MAN1A2: variants seen among roughly 807,000 people sequenced by gnomAD.
MAN1A2 encodes mannosidase alpha class 1A member 2.
MAN1A2 carries 26 observed loss-of-function variants against 75.7 expected under a neutral mutation model. The observed-to-expected ratio is 0.34, with a 90% CI of 0.25 to 0.48. The LOEUF is 0.48. MAN1A2 is among the 20% of genes least tolerant of loss of function. The pLI, the probability that MAN1A2 is intolerant of heterozygous loss-of-function variation, is 0.99. For synonymous variants in MAN1A2, 247 were observed against 264.6 expected (o/e 0.93, Z 0.65); for missense variants, 562 against 775.5 (o/e 0.72, Z 3.27).
chr1:117,429,200 T>C (rs1209534191), intron 5 of MAN1A2, among the ~76,000 whole-genome samples: 2 of 146,766 alleles, frequency 1.4e-5, no homozygotes, highest in African/African-American at 2.5e-5. Context: ...TCATGTCTAC[T>C]TCTTTCTACA....
intron 1 of MAN1A2, among the ~76,000 whole-genome samples, chr1:117,390,310 T>C (rs2101738424): frequency 6.6e-6 from 1 of 152,062 alleles, no homozygotes; most frequent in South Asian, 2.1e-4. Flanking sequence ...GTTTCTTTAA[T>C]AGATACAGGC....
chr1:117,483,233 G>A (rs1650558272), intron 8 of MAN1A2, among the ~76,000 whole-genome samples: 2 of 152,046 alleles, frequency 1.3e-5, no homozygotes, highest in African/African-American at 4.8e-5. Flanking sequence ...CTCATTTTTG[G>A]TTCCATATGA....
In MAN1A2 at chr1:117,414,820, G is replaced by C; in HGVS notation, c.763G>C (p.Asp255His). The C allele has an allele frequency of 1.3e-6, 2 of 1,588,348 alleles. No individual in the cohort carries two copies. Among genetic ancestry groups the C allele is most frequent in the Non-Finnish European group, 1.7e-6 (2 of 1,157,244 alleles). Residue 255 changes from aspartate (D) to histidine (H), a missense_variant, in exon 4 of 13, where the codon GAT becomes CAT. Coordinates refer to ENST00000356554, the MANE Select transcript of MAN1A2 (RefSeq NM_006699.5). ...DGQRWIEDNLDFSVNSEVSVF... is the reference protein window; with the variant it reads ...DGQRWIEDNLHFSVNSEVSVF... Reference sequence around the variant, plus strand: ...GCAAAGATGGATTGAAGACAACCTTGATTTCAGTGTGGTGAGTGTATGATT... The same window carrying C: ...GCAAAGATGGATTGAAGACAACCTTCATTTCAGTGTGGTGAGTGTATGATT...
At chr1:117,503,814 T>C (rs1398602700) in intron 12 of MAN1A2, among the ~76,000 whole-genome samples, 2 of 151,518 alleles carry the variant, frequency 1.3e-5, no homozygotes, top group African/African-American at 2.4e-5. Flanking sequence ...GTTTACATTC[T>C]CATATATTAC....
intron 5 of MAN1A2, among the ~76,000 whole-genome samples, chr1:117,431,445 G>T (rs1221022805): frequency 1.3e-5 from 2 of 152,004 alleles, no homozygotes; most frequent in Non-Finnish European, 2.9e-5. Context: ...CTCTTCAACT[G>T]ATAGAATAAG....
At chr1:117,389,002 G>A (rs1251177021) in intron 1 of MAN1A2, among the ~76,000 whole-genome samples, 1 of 152,014 alleles carries the variant, frequency 6.6e-6, no homozygotes, top group Non-Finnish European at 1.5e-5. Context: ...GGTAGCTTTT[G>A]ATGAAAATAT....
In MAN1A2 at chr1:117,524,285, A is replaced by G. The variant is rs1041725947; in HGVS notation, c.*1328A>G. On this transcript the variant is annotated 3_prime_UTR_variant, in exon 13 of 13. Coordinates refer to ENST00000356554, the MANE Select transcript of MAN1A2 (RefSeq NM_006699.5). Reference sequence around the variant, plus strand: ...ATTGATATTTCTTTTTAAATAAACTACTAGTTCTTTATATTTTGACAAAAA... The same window carrying G: ...ATTGATATTTCTTTTTAAATAAACTGCTAGTTCTTTATATTTTGACAAAAA... The G allele has an allele frequency of 1.3e-5, 2 of 152,204 alleles. No homozygotes were observed. The highest frequency in any genetic ancestry group is 2.4e-5 in the African/African-American group (1 of 41,404). The allele number at this position is 152,204 out of a possible 1,614,324, so 9.4% of individuals were successfully genotyped here.
In MAN1A2 at chr1:117,523,159, A is replaced by T; in HGVS notation, c.*202A>T. On this transcript the variant is annotated 3_prime_UTR_variant, in exon 13 of 13. Transcript: ENST00000356554. Reference sequence around the variant, plus strand: ...TTATACCTGACCAAAACATGTTCTGATATGTGTAGGACAGAGACCTGGATG... The same window carrying T: ...TTATACCTGACCAAAACATGTTCTGTTATGTGTAGGACAGAGACCTGGATG... The T allele has an allele frequency of 1.5e-6, 1 of 683,186 alleles. No individual in the cohort carries two copies. The highest frequency in any genetic ancestry group is 2.7e-6 in the Non-Finnish European group (1 of 367,934). The allele number at this position is 683,186 out of a possible 1,614,324, so 42.3% of individuals were successfully genotyped here. A position where few individuals can be genotyped will look rare whatever the true frequency, so the allele number is the denominator to read the frequency against.
At chr1:117,385,995 A>G (rs1570700171) in intron 1 of MAN1A2, among the ~76,000 whole-genome samples, 1 of 152,188 alleles carries the variant, frequency 6.6e-6, no homozygotes, top group East Asian at 1.9e-4. Flanking sequence ...ACAGGTATAT[A>G]GTACCAGCCA....
chr1:117,383,177 A>T (rs547866831), intron 1 of MAN1A2, among the ~76,000 whole-genome samples: 2 of 152,302 alleles, frequency 1.3e-5, no homozygotes, highest in African/African-American at 4.8e-5. Context: ...TTTTTCATAA[A>T]TGCCCTTTAT....
rs572332952 is a variant in MAN1A2 at position 117,462,661 on chromosome 1, T to C, written c.1074+2049T>C. Among the ~76,000 whole-genome samples the C allele has an allele frequency of 5.3e-4, 80 of 152,234 alleles. 1 individual carries two copies. Among genetic ancestry groups the C allele is most frequent in the African/African-American group, 1.8e-3 (75 of 41,556 alleles). On this transcript the variant is annotated intron_variant, in intron 7 of 12. Transcript: ENST00000356554. ...GCTTCTAGAAGCTGTCTGGCTCTGA[T>C]TGGTGATGGCAGTAGATAAAACTAT... is the stretch of plus-strand genomic sequence containing the variant.
At chr1:117,443,878 G>C (rs1334708098) in intron 6 of MAN1A2, among the ~76,000 whole-genome samples, 1 of 151,802 alleles carries the variant, frequency 6.6e-6, no homozygotes, top group Non-Finnish European at 1.5e-5. Context: ...GCGATTATAG[G>C]TGTGAGCCAC....
intron 4 of MAN1A2, among the ~76,000 whole-genome samples, chr1:117,418,023 G>A (rs187601272): frequency 1.3e-5 from 2 of 152,086 alleles, no homozygotes; most frequent in African/African-American, 4.8e-5. Context: ...TCTAGCCTGG[G>A]CAACAGAGTA....
At position 117,368,082 on chromosome 1, in the gene MAN1A2, G is replaced by C; in HGVS notation, c.-102G>C. 8.6e-7 allele frequency: 1 copy of C among 1,156,150 alleles called. No homozygotes were observed. The highest frequency in any genetic ancestry group is 1.2e-6 in the Non-Finnish European group (1 of 820,536). The allele number at this position is 1,156,150 out of a possible 1,614,324, so 71.6% of individuals were successfully genotyped here. ...ACAGTCCTTTAAGAGGAGCAAAATT[G>C]AGTTTTCCCATTTTGGCCAAGATTT... On this transcript the variant is annotated 5_prime_UTR_variant, in exon 1 of 13. Coordinates refer to ENST00000356554, the MANE Select transcript of MAN1A2 (RefSeq NM_006699.5).
At chr1:117,511,537 T>A (rs973489634) in intron 12 of MAN1A2, among the ~76,000 whole-genome samples, 1 of 152,012 alleles carries the variant, frequency 6.6e-6, no homozygotes, top group African/African-American at 2.4e-5. Context: ...CCGTAGGGAC[T>A]TTTTCCTTTT....
At position 117,400,179 on chromosome 1, in the gene MAN1A2, C is replaced by T. The variant is rs184778705; in HGVS notation, c.303-2007C>T. On this transcript the variant is annotated intron_variant, in intron 1 of 12. Transcript: ENST00000356554. ...TTAGTTCCCTGCCCTGTTCCTCCCACATCAATCCAGTCTGTCTGTAGGGCC... is the reference window on the plus strand; with the variant it reads ...TTAGTTCCCTGCCCTGTTCCTCCCATATCAATCCAGTCTGTCTGTAGGGCC... Among the ~76,000 whole-genome samples the T allele has an allele frequency of 2.0e-5, 3 of 152,198 alleles. No homozygotes were observed. In the East Asian group the frequency reaches 5.8e-4, roughly 29 times the overall value.
chr1:117,403,733 CCTT>C (rs1204936938), intron 2 of MAN1A2, among the ~76,000 whole-genome samples: 3 of 152,030 alleles, frequency 2.0e-5, no homozygotes, highest in Admixed American at 1.3e-4. Context: ...TTTACTTTTT[CCTT>C]CTTGATTTTT....
intron 8 of MAN1A2, among the ~76,000 whole-genome samples, chr1:117,474,350 A>G (rs924364729): frequency 1.3e-5 from 2 of 151,148 alleles, no homozygotes; most frequent in Non-Finnish European, 2.9e-5. Flanking sequence ...TAAACGTACA[A>G]TTTCCAGTTT....
chr1:117,526,880 C>CTCTCTCTCTATATATATATATATA lies in MAN1A2; in HGVS notation c.*3924_*3925insCTCTCTCTATATATATATATATAT. ...TCTCTCTCTCTCTCTCTCTCTCTCT[C>CTCTCTCTCTATATATATATATATA]TATATATATATATATATATATATAT... is the stretch of plus-strand genomic sequence containing the variant. On this transcript the variant is annotated 3_prime_UTR_variant, in exon 13 of 13. Transcript: ENST00000356554. The CTCTCTCTCTATATATATATATATA allele has an allele frequency of 5.1e-4, 28 of 54,496 alleles. No homozygotes were observed. Among genetic ancestry groups the CTCTCTCTCTATATATATATATATA allele is most frequent in the Admixed American group, 1.7e-3 (7 of 4,172 alleles). 3.4% of individuals were successfully genotyped at this position (54,496 alleles called of 1,614,324 possible). A position where few individuals can be genotyped will look rare whatever the true frequency, so the allele number is the denominator to read the frequency against.
Sources: gnomAD v4.1 joint callset for allele counts (sites outside exome capture counted in the v4.1 genomes callset) on GRCh38, gnomAD v4.1.1 for gene constraint, MANE v1.5 for transcripts, NCBI Gene and HGNC (gene_info 2026-07-23, HGNC 2026-07-21) for gene names.